NUS1: variants seen among roughly 807,000 people sequenced by gnomAD.
The protein encoded by NUS1 is NUS1 dehydrodolichyl diphosphate synthase subunit.
For synonymous variants in NUS1, 135 were observed against 155.2 expected, an observed-to-expected ratio of 0.87 and a Z score of 0.97; for missense variants, 292 against 382.9, an observed-to-expected ratio of 0.76 and a Z score of 1.98.
intron 3 of NUS1, among the ~76,000 whole-genome samples, chr6:117,701,340 G>A (rs1429839397): frequency 1.5e-4 from 23 of 151,274 alleles, no homozygotes; most frequent in Admixed American, 1.5e-3. Context: ...TGCCTCCCGG[G>A]TTTACGCCAT....
rs1464456468 is a variant in NUS1 at position 117,710,039 on chromosome 6, G to A, written c.*3024G>A. 6.6e-6 allele frequency: 1 copy of A among 152,004 alleles called. No homozygotes were observed. Among genetic ancestry groups the A allele is most frequent in the African/African-American group, 2.4e-5 (1 of 41,384 alleles). The allele number at this position is 152,004 out of a possible 1,614,324, so 9.4% of individuals were successfully genotyped here. A position where few individuals can be genotyped will look rare whatever the true frequency, so the allele number is the denominator to read the frequency against. On this transcript the variant is annotated 3_prime_UTR_variant, in exon 5 of 5. Coordinates refer to ENST00000368494, the MANE Select transcript of NUS1 (RefSeq NM_138459.5). ...AAATAAATTCAGCTTTGCCATTGCT[G>A]GAGTTGTCAAAATTCCACAGTAATT...
intron 3 of NUS1, among the ~76,000 whole-genome samples, chr6:117,697,772 G>C (rs1343021259): frequency 6.6e-6 from 1 of 151,964 alleles, no homozygotes; most frequent in African/African-American, 2.4e-5. Context: ...AAATCAACAA[G>C]AAACATTGAA....
intron 3 of NUS1, among the ~76,000 whole-genome samples, chr6:117,700,268 C>T (rs1425137295): frequency 2.0e-5 from 3 of 152,094 alleles, no homozygotes; most frequent in African/African-American, 4.8e-5. Flanking sequence ...AACTAGAATA[C>T]ATAAGGAGCT....
At chr6:117,697,920 G>C (rs1773344718) in intron 3 of NUS1, among the ~76,000 whole-genome samples, 1 of 152,008 alleles carries the variant, frequency 6.6e-6, no homozygotes, top group African/African-American at 2.4e-5. Context: ...CACAAAACAA[G>C]TCTAAAACAT....
intron 1 of NUS1, among the ~76,000 whole-genome samples, chr6:117,678,844 G>A (rs1773021828): frequency 6.6e-6 from 1 of 151,908 alleles, no homozygotes; most frequent in Non-Finnish European, 1.5e-5. Context: ...ACCCCGCCCT[G>A]CTAATTTTTG....
chr6:117,693,982 T>C, intron 2 of NUS1, 49 bp from the exon 3 acceptor site: 2 of 1,564,854 alleles, frequency 1.3e-6, no homozygotes, highest in Non-Finnish European at 1.7e-6. Context: ...TTTTGAAATA[T>C]ACCTGGAAGA....
At position 117,710,046 on chromosome 6, in the gene NUS1, T is replaced by C. The variant is rs752368318; in HGVS notation, c.*3031T>C. The C allele has an allele frequency of 6.6e-6, 1 of 152,150 alleles. No homozygotes were observed. The highest frequency in any genetic ancestry group is 1.5e-5 in the Non-Finnish European group (1 of 67,974). The allele number at this position is 152,150 out of a possible 1,614,324, so 9.4% of individuals were successfully genotyped here. A position where few individuals can be genotyped will look rare whatever the true frequency, so the allele number is the denominator to read the frequency against. The stretch of plus-strand genomic sequence containing the variant: ...TTCAGCTTTGCCATTGCTGGAGTTG[T>C]CAAAATTCCACAGTAATTAAAATTT... On this transcript the variant is annotated 3_prime_UTR_variant, in exon 5 of 5. Coordinates refer to ENST00000368494, the MANE Select transcript of NUS1 (RefSeq NM_138459.5).
intron 4 of NUS1, among the ~76,000 whole-genome samples, chr6:117,705,969 C>A (rs1773494191): frequency 6.6e-6 from 1 of 152,120 alleles, no homozygotes; most frequent in Non-Finnish European, 1.5e-5. Flanking sequence ...TAGCTAAAGA[C>A]AGGCAGGAGT....
chr6:117,676,068 G>T lies in NUS1; in HGVS notation c.398G>T (p.Ser133Ile), dbSNP rs1253282158. Residue 133 changes from serine to isoleucine, a missense_variant, in exon 1 of 5, where the codon AGC (serine) becomes ATC (isoleucine). Physicochemically the swap from Ser to Ile is moderately radical, Grantham distance 142. Transcript: ENST00000368494. ...ATGGCCGTGGGCATCTCCTACATTA[G>T]CGTCTACGACCACCAAGGTGAGGCC... ...WCMAVGISYI[S>I]VYDHQGIFKR... The T allele has an allele frequency of 6.4e-7, 1 of 1,550,824 alleles. No homozygotes were observed. The highest frequency in any genetic ancestry group is 8.7e-7 in the Non-Finnish European group (1 of 1,147,240).
intron 1 of NUS1, among the ~76,000 whole-genome samples, chr6:117,682,719 G>A (rs1773080339): frequency 6.6e-6 from 1 of 152,212 alleles, no homozygotes; most frequent in Non-Finnish European, 1.5e-5. Flanking sequence ...GATAAACTGA[G>A]ATTTAAAAAG....
chr6:117,701,847 G>GT (rs1196887636), intron 3 of NUS1, among the ~76,000 whole-genome samples: 11 of 149,032 alleles, frequency 7.4e-5, no homozygotes, highest in Admixed American at 4.0e-4. Flanking sequence ...CTCTGCTCAG[G>GT]TTTTTTTTTA....
At chr6:117,695,228 G>GAAATGCATTT (rs1365518134) in intron 3 of NUS1, among the ~76,000 whole-genome samples, 1 of 113,760 alleles carries the variant, frequency 8.8e-6, no homozygotes, top group Non-Finnish European at 1.9e-5. Context: ...AAAAGAAAAA[G>GAAATGCATTT]AAATGCATTT....
Position 117,703,685 on chromosome 6 carries a change from A to G in NUS1, c.772A>G (p.Ile258Val). The change falls in exon 4 of 5, where the codon ATC (isoleucine) becomes GTC (valine). Residue 258 changes from isoleucine to valine, a missense_variant. Ile to Val is a conservative substitution (Grantham distance 29). Transcript: ENST00000368494. ...CACATTAGGCTTTCTTCCCTGGCAC[A>G]TCAGATTGACTGAGATTGTGTAAGT... ...DSTLGFLPWHIRLTEIVSLPS... is the reference protein window; with the variant it reads ...DSTLGFLPWHVRLTEIVSLPS... The G allele has an allele frequency of 6.2e-7, 1 of 1,612,244 alleles. No individual in the cohort carries two copies. The highest frequency in any genetic ancestry group is 8.5e-7 in the Non-Finnish European group (1 of 1,178,274).
chr6:117,700,429 C>T (rs904958574), intron 3 of NUS1, among the ~76,000 whole-genome samples: 5 of 152,048 alleles, frequency 3.3e-5, no homozygotes, highest in Non-Finnish European at 7.4e-5. Context: ...ACAAATTAGA[C>T]CTACAATAAC....
intron 1 of NUS1, among the ~76,000 whole-genome samples, chr6:117,678,985 T>G (rs928969567): frequency 6.6e-6 from 1 of 152,160 alleles, no homozygotes; most frequent in Non-Finnish European, 1.5e-5. Flanking sequence ...CCCGGCCATA[T>G]TCAGTGTTTC....
intron 1 of NUS1, among the ~76,000 whole-genome samples, chr6:117,681,352 T>A (rs1319504862): frequency 6.6e-6 from 1 of 152,198 alleles, no homozygotes; most frequent in African/African-American, 2.4e-5. Flanking sequence ...ACAGAGTGTA[T>A]CTTGGTGTTA....
chr6:117,699,147 C>CTAGAGCA (rs1205632054), intron 3 of NUS1, among the ~76,000 whole-genome samples: 1 of 151,958 alleles, frequency 6.6e-6, no homozygotes, highest in African/African-American at 2.4e-5. Flanking sequence ...GCGGTCCTAG[C>CTAGAGCA]TAGAGCAATT....
At chr6:117,697,162 A>AT (rs1308956247) in intron 3 of NUS1, among the ~76,000 whole-genome samples, 1 of 152,082 alleles carries the variant, frequency 6.6e-6, no homozygotes, top group East Asian at 1.9e-4. Context: ...CATACAAGAG[A>AT]TACACAAAAA....
chr6:117,683,536 G>T (rs1036975153), intron 1 of NUS1, among the ~76,000 whole-genome samples: 2 of 152,224 alleles, frequency 1.3e-5, no homozygotes, highest in Middle Eastern at 3.4e-3. Context: ...AAGAAAAAGA[G>T]GTAGGCCAAT....
Sources: gnomAD v4.1 joint callset for allele counts (sites outside exome capture counted in the v4.1 genomes callset) on GRCh38, gnomAD v4.1.1 for gene constraint, MANE v1.5 for transcripts, NCBI Gene and HGNC (gene_info 2026-07-23, HGNC 2026-07-21) for gene names.